The following DNAH3 variants were observed in gnomAD, a reference collection of about 807,000 sequenced individuals.
DNAH3 encodes axonemal beta dynein heavy chain 3.
Under a neutral mutation model 432.5 loss-of-function variants are expected in DNAH3, and 332 were observed. That is an observed-to-expected ratio of 0.77 (90% confidence interval 0.70 to 0.84). The LOEUF is 0.84. Ranked by LOEUF, DNAH3 falls within the 40% of genes least tolerant of loss-of-function variation. The probability of loss-of-function intolerance (pLI) is 0.00; values close to 1 mark genes in which losing one functional copy is unlikely to be tolerated. For missense variants in DNAH3, 4,861 were observed against 5,114.0 expected (o/e 0.95, Z 1.51); for synonymous variants, 1,956 against 1,900.2 (o/e 1.03, Z -0.76).
chr16:21,081,547 A>G, intron 20 of DNAH3, 89 bp downstream of exon 20: 2 of 1,064,526 alleles, frequency 1.9e-6, no homozygotes, highest in Non-Finnish European at 2.8e-6. Context: ...AAAAAAACAA[A>G]CAGCCCGATA....
intron 33 of DNAH3, among the ~76,000 whole-genome samples, chr16:21,039,287 T>C (rs1401935161): frequency 6.7e-6 from 1 of 148,460 alleles, no homozygotes; most frequent in Non-Finnish European, 1.5e-5. Flanking sequence ...GGTGAAATCT[T>C]GGCTCACTGC....
intron 19 of DNAH3, among the ~76,000 whole-genome samples, chr16:21,083,878 C>T (rs2091277340): frequency 6.6e-6 from 1 of 152,024 alleles, no homozygotes; most frequent in Admixed American, 6.6e-5. Context: ...TATCTAGGGG[C>T]CTTTGTCCTT....
At chr16:21,127,034 G>T (rs1417571560) in intron 8 of DNAH3, among the ~76,000 whole-genome samples, 1 of 151,980 alleles carries the variant, frequency 6.6e-6, no homozygotes, top group Non-Finnish European at 1.5e-5. Flanking sequence ...CACAGTAAAT[G>T]CCGTGTGCTT....
At chr16:21,052,860 A>G (rs1055909551) in intron 28 of DNAH3, among the ~76,000 whole-genome samples, 1 of 152,180 alleles carries the variant, frequency 6.6e-6, no homozygotes, top group African/African-American at 2.4e-5. Context: ...GGCCTTATAT[A>G]GCAGGGGAAG....
At chr16:21,008,114 ACTT>A (rs991599717) in intron 41 of DNAH3, among the ~76,000 whole-genome samples, 2 of 152,220 alleles carry the variant, frequency 1.3e-5, no homozygotes, top group African/African-American at 4.8e-5. Flanking sequence ...AAAAATTTAA[ACTT>A]CTATTATTAC....
rs569779057 is a variant in DNAH3, at chr16:20,958,158, G to A, written c.10826+1021C>T. Among the ~76,000 whole-genome samples, 321 of 150,390 alleles carry A rather than the reference G, an allele frequency of 2.1e-3. 1 individual carries two copies. Among genetic ancestry groups the A allele is most frequent in the Non-Finnish European group, 3.6e-3 (243 of 67,756 alleles). The stretch of plus-strand genomic sequence containing the variant: ...TGTGATCACTGCTCACTGCAGGCTC[G>A]ACTTCTCAGGCTCAGGTGATTCTCC... On this transcript the variant is annotated intron_variant, in intron 54 of 61. Coordinates refer to ENST00000261383, the Ensembl canonical transcript of DNAH3.
intron 35 of DNAH3, among the ~76,000 whole-genome samples, chr16:21,035,365 A>G (rs956982669): frequency 6.6e-6 from 1 of 152,160 alleles, no homozygotes; most frequent in Non-Finnish European, 1.5e-5. Context: ...TAAAGATTCA[A>G]TAGCCTCTCA....
intron 8 of DNAH3, among the ~76,000 whole-genome samples, chr16:21,126,968 G>A (rs34126884): frequency 0.018 from 2,753 of 151,958 alleles, 51 homozygotes; most frequent in Non-Finnish European, 0.026. Flanking sequence ...TCTACATTAT[G>A]GTGAGTTGTA....
At chr16:20,945,187 C>T (rs191352051) in intron 57 of DNAH3, among the ~76,000 whole-genome samples, 9 of 152,294 alleles carry the variant, frequency 5.9e-5, no homozygotes, top group Admixed American at 6.5e-5. Context: ...AAGATGGCCA[C>T]GGAAGTGACC....
chr16:20,972,058 G>A (rs748785530), intron 51 of DNAH3, among the ~76,000 whole-genome samples: 33 of 152,212 alleles, frequency 2.2e-4, no homozygotes, highest in Non-Finnish European at 3.5e-4. Flanking sequence ...GCCAGTGAGT[G>A]CGAGTGGGTG....
chr16:21,067,298 CTCT>C (rs757604380), exon 24 of DNAH3: 3 of 1,613,972 alleles, frequency 1.9e-6, no homozygotes, highest in East Asian at 2.2e-5. Flanking sequence ...GAAGAATAGT[CTCT>C]TCTTCTCCAA....
exon 1 of DNAH3, chr16:21,159,354 G>C: frequency 2.5e-6 from 4 of 1,614,060 alleles, no homozygotes; most frequent in Non-Finnish European, 3.4e-6. Flanking sequence ...TCCTCTCCTT[G>C]GGTCTCCCTG....
chr16:21,138,674 G>A (rs867335239), intron 5 of DNAH3, among the ~76,000 whole-genome samples: 2 of 152,192 alleles, frequency 1.3e-5, no homozygotes, highest in South Asian at 2.1e-4. Context: ...GCTGGGCATG[G>A]TGGCAGTTGC....
At chr16:21,019,700 C>A (rs1184641324) in exon 41 of DNAH3, 6 of 1,614,028 alleles carry the variant, frequency 3.7e-6, no homozygotes, top group Non-Finnish European at 5.1e-6. Context: ...TGCCCATGAT[C>A]AGGTTGCGGA....
At chr16:21,144,644 A>C (rs1010313725) in intron 3 of DNAH3, among the ~76,000 whole-genome samples, 2 of 152,206 alleles carry the variant, frequency 1.3e-5, no homozygotes, top group African/African-American at 4.8e-5. Flanking sequence ...ATTTTGGAAT[A>C]ACTTATCATG....
intron 20 of DNAH3, among the ~76,000 whole-genome samples, chr16:21,080,843 A>G (rs2091159148): frequency 1.3e-5 from 2 of 152,190 alleles, no homozygotes; most frequent in African/African-American, 2.4e-5. Context: ...GTAGCATCCA[A>G]ATGGTAAAAT....
At position 20,935,428 on chromosome 16, in the gene DNAH3, G is replaced by A. The variant is rs780729925; in HGVS notation, c.11917C>T (p.Gln3973Ter). 3 of 1,613,190 alleles carry A rather than the reference G, an allele frequency of 1.9e-6. No individual in the cohort carries two copies. The highest frequency in any genetic ancestry group is 2.5e-6 in the Non-Finnish European group (3 of 1,179,790). Reference sequence around the variant, plus strand: ...TGAGAGACGCCAGTCAAAAAAGACTGTGTGAAGTAGAATCCAGAGATCCAA... The same window carrying A: ...TGAGAGACGCCAGTCAAAAAAGACTATGTGAAGTAGAATCCAGAGATCCAA... The change falls in exon 61 of 62, where the codon CAG becomes TAG. Residue 3973 changes from glutamine to a stop codon, truncating the protein, a stop_gained. Transcript: ENST00000261383. LOFTEE classifies it high-confidence loss of function.
rs35833656 is a variant in DNAH3, at chr16:21,067,757, T to TGG, written c.3382-340_3382-339dup. On this transcript the variant is annotated intron_variant, in intron 23 of 61. Transcript: ENST00000261383. ...ACGGAGTGATAGAGAAAGCCAGTCT[T>TGG]GGGGGGGGGGGTGGGGAGGGAGAGA... Among the ~76,000 whole-genome samples the TGG allele has an allele frequency of 2.6e-3, 79 of 29,818 alleles. 2 individuals are homozygous for TGG. The highest frequency in any genetic ancestry group is 0.018 in the South Asian group (14 of 786). The allele number at this position is 29,818 out of a possible 152,430, so 19.6% of individuals were successfully genotyped here.
intron 1 of DNAH3, among the ~76,000 whole-genome samples, chr16:21,151,857 G>T (rs1457241883): frequency 6.6e-6 from 1 of 152,104 alleles, no homozygotes; most frequent in Non-Finnish European, 1.5e-5. Flanking sequence ...TTTTTTGGGG[G>T]TGCCATGCTT....
Sources: gnomAD v4.1 joint callset for allele counts (sites outside exome capture counted in the v4.1 genomes callset) on GRCh38, gnomAD v4.1.1 for gene constraint, MANE v1.5 for transcripts, NCBI Gene and HGNC (gene_info 2026-07-23, HGNC 2026-07-21) for gene names.